Variants in ATXN7L1 observed in about 807,000 individuals in gnomAD.
ATXN7L1 encodes ataxin 7 like 1.
In ATXN7L1, 15 loss-of-function variants were observed where a neutral mutation model predicts 70.8. The ratio of observed to expected loss-of-function variants is 0.21; its 90% CI spans 0.14 to 0.33. The LOEUF (loss-of-function observed/expected upper bound fraction) is 0.33. ATXN7L1 is among the 10% of genes least tolerant of loss of function. The probability of loss-of-function intolerance (pLI) is 1.00; values close to 1 mark genes in which losing one functional copy is unlikely to be tolerated. For synonymous variants in ATXN7L1, 440 were observed against 445.1 expected (o/e 0.99, Z 0.14); for missense variants, 975 against 1,097.1 (o/e 0.89, Z 1.57).
chr7:105,735,149 T>A (rs1797241060), intron 3 of ATXN7L1, among the ~76,000 whole-genome samples: 2 of 152,180 alleles, frequency 1.3e-5, no homozygotes, highest in Non-Finnish European at 2.9e-5. Context: ...CCTCAGCCAC[T>A]TTCCCACTAG....
chr7:105,634,720 C>T (rs1024966969), intron 7 of ATXN7L1, among the ~76,000 whole-genome samples: 2 of 152,000 alleles, frequency 1.3e-5, no homozygotes, highest in African/African-American at 2.4e-5. Context: ...GTCTGTACAA[C>T]CTCAAAGCCC....
chr7:105,821,191 C>A (rs1810098938), intron 2 of ATXN7L1, among the ~76,000 whole-genome samples: 1 of 152,090 alleles, frequency 6.6e-6, no homozygotes, highest in Non-Finnish European at 1.5e-5. Context: ...AGGCATGTGC[C>A]ACCACACCTG....
chr7:105,641,230 T>C (rs1385601909), intron 5 of ATXN7L1, among the ~76,000 whole-genome samples: 18 of 123,666 alleles, frequency 1.5e-4, no homozygotes, highest in Non-Finnish European at 2.4e-4. Flanking sequence ...TTTTTTTTTT[T>C]TTTTTTTTTT....
chr7:105,651,037 C>T (rs1439817630), intron 4 of ATXN7L1, among the ~76,000 whole-genome samples: 2 of 152,184 alleles, frequency 1.3e-5, no homozygotes, highest in Admixed American at 1.3e-4. Flanking sequence ...GGATGCATTA[C>T]GGTATCACAG....
chr7:105,862,312 T>C (rs1258536878), intron 2 of ATXN7L1, among the ~76,000 whole-genome samples: 1 of 152,076 alleles, frequency 6.6e-6, no homozygotes, highest in Admixed American at 6.5e-5. Context: ...GGCGTGCACC[T>C]GTGGCCCAGC....
intron 3 of ATXN7L1, among the ~76,000 whole-genome samples, chr7:105,749,250 A>G (rs1798917060): frequency 6.6e-6 from 1 of 151,912 alleles, no homozygotes; most frequent in Non-Finnish European, 1.5e-5. Flanking sequence ...AGCCCTCAAA[A>G]TAGAGTTTAG....
In ATXN7L1 at chr7:105,639,587, C is replaced by CA. The variant is rs1481141050; in HGVS notation, c.863-19dup. 1.3e-6 allele frequency: 2 copies of CA among 1,518,486 alleles called. No homozygotes were observed. The highest frequency in any genetic ancestry group is 1.8e-6 in the Non-Finnish European group (2 of 1,121,250). 94.1% of individuals were successfully genotyped at this position (1,518,486 alleles called of 1,614,324 possible). On this transcript the variant is annotated intron_variant, in intron 5 of 11. Coordinates refer to ENST00000419735, the MANE Select transcript of ATXN7L1 (RefSeq NM_020725.2). ...TTCTCTCTCTGGTTTAAGAAACAAA[C>CA]AAAAAATATAAGAAAAAAGGAGACT... is the stretch of plus-strand genomic sequence containing the variant.
At chr7:105,621,173 A>G (rs1377103048) in intron 8 of ATXN7L1, among the ~76,000 whole-genome samples, 2 of 152,128 alleles carry the variant, frequency 1.3e-5, no homozygotes, top group Non-Finnish European at 2.9e-5. Flanking sequence ...GGGACACAGC[A>G]CCACCTTGAA....
At chr7:105,827,498 C>T (rs578228319) in intron 2 of ATXN7L1, among the ~76,000 whole-genome samples, 1 of 152,206 alleles carries the variant, frequency 6.6e-6, no homozygotes, top group African/African-American at 2.4e-5. Context: ...GTTTGAATTG[C>T]GTGGGTTCAC....
At chr7:105,769,792 C>T (rs60087520) in intron 3 of ATXN7L1, among the ~76,000 whole-genome samples, 9,444 of 152,218 alleles carry the variant, frequency 0.062, 651 homozygotes, top group East Asian at 0.3. Context: ...TTTTCTTTTA[C>T]CTTTTTGTCT....
intron 3 of ATXN7L1, among the ~76,000 whole-genome samples, chr7:105,745,315 G>C (rs1322334097): frequency 6.6e-6 from 1 of 151,932 alleles, no homozygotes; most frequent in Admixed American, 6.6e-5. Flanking sequence ...GCAACTTTTC[G>C]GTAAGTTTGA....
chr7:105,653,865 G>A (rs1334062734), intron 4 of ATXN7L1, among the ~76,000 whole-genome samples: 1 of 151,944 alleles, frequency 6.6e-6, no homozygotes, highest in Non-Finnish European at 1.5e-5. Context: ...CTGCTGGTGT[G>A]CCCTCCCCCA....
At chr7:105,759,886 T>C (rs1410268669) in intron 3 of ATXN7L1, among the ~76,000 whole-genome samples, 1 of 151,596 alleles carries the variant, frequency 6.6e-6, no homozygotes, top group Non-Finnish European at 1.5e-5. Context: ...TAGAAATCAG[T>C]AAAGTGATTA....
chr7:105,615,905 G>A (rs753479599), intron 9 of ATXN7L1, among the ~76,000 whole-genome samples: 4 of 152,140 alleles, frequency 2.6e-5, no homozygotes, highest in South Asian at 4.1e-4. Context: ...TCTGATTTGC[G>A]CTGGGAGTGA....
At chr7:105,867,653 A>G (rs1024960065) in intron 2 of ATXN7L1, among the ~76,000 whole-genome samples, 5 of 152,272 alleles carry the variant, frequency 3.3e-5, no homozygotes, top group East Asian at 1.9e-4. Context: ...CAGTACAGGT[A>G]TATCTGCTGA....
chr7:105,739,371 A>G (rs1323261633), intron 3 of ATXN7L1, among the ~76,000 whole-genome samples: 1 of 152,250 alleles, frequency 6.6e-6, no homozygotes, highest in Non-Finnish European at 1.5e-5. Context: ...GGTGAGTTGC[A>G]TGTACCCTAA....
At chr7:105,786,624 A>G (rs1804343712) in intron 3 of ATXN7L1, among the ~76,000 whole-genome samples, 1 of 152,132 alleles carries the variant, frequency 6.6e-6, no homozygotes, top group South Asian at 2.1e-4. Context: ...GGGCTCAAGC[A>G]GTTCTCCCCC....
intron 3 of ATXN7L1, among the ~76,000 whole-genome samples, chr7:105,710,772 T>C (rs1048096224): frequency 2.0e-5 from 3 of 152,258 alleles, no homozygotes; most frequent in Non-Finnish European, 4.4e-5. Flanking sequence ...TTTTAAAGCA[T>C]CAGATCTTGT....
chr7:105,814,460 T>G (rs1585066513), intron 2 of ATXN7L1, among the ~76,000 whole-genome samples: 1 of 152,138 alleles, frequency 6.6e-6, no homozygotes, highest in South Asian at 2.1e-4. Flanking sequence ...AGGTTGTATG[T>G]CTGAGGAATA....
Sources: allele counts gnomAD v4.1 joint callset (sites outside exome capture counted in the v4.1 genomes callset), GRCh38; gene constraint gnomAD v4.1.1; transcripts MANE v1.5; gene names NCBI Gene and HGNC (gene_info 2026-07-23, HGNC 2026-07-21).